The following ITPR2 variants were observed in gnomAD, a reference collection of about 807,000 sequenced individuals.
ITPR2 encodes inositol 1,4,5-trisphosphate-gated calcium channel ITPR2.
ITPR2 carries 207 observed loss-of-function variants against 317.1 expected under a neutral mutation model. That is an observed-to-expected ratio of 0.65 (90% CI 0.58 to 0.73). ITPR2 has a LOEUF of 0.73. Ranked by LOEUF, ITPR2 falls within the 30% of genes least tolerant of loss-of-function variation. The pLI is 0.00. For synonymous variants in ITPR2, 1,156 were observed against 1,149.1 expected (o/e 1.01, Z -0.12); for missense variants, 2,613 against 3,284.0 (o/e 0.80, Z 4.99).
At chr12:26,461,502 G>C (rs536691587) in intron 45 of ITPR2, among the ~76,000 whole-genome samples, 1 of 151,842 alleles carries the variant, frequency 6.6e-6, no homozygotes, top group South Asian at 2.1e-4. Context: ...AACAGAGACA[G>C]TATAACCTGA....
chr12:26,550,163 G>A (rs1039629029), intron 37 of ITPR2, 84 bp downstream of exon 37: 12 of 593,536 alleles, frequency 2.0e-5, no homozygotes, highest in Non-Finnish European at 3.2e-5. Flanking sequence ...AAGTAATCAC[G>A]TAATAGCCTA....
At chr12:26,717,404 C>T (rs946223797) in intron 5 of ITPR2, among the ~76,000 whole-genome samples, 4 of 152,088 alleles carry the variant, frequency 2.6e-5, no homozygotes, top group East Asian at 1.9e-4. Context: ...CTATATCTGG[C>T]GATTGAAATA....
intron 2 of ITPR2, among the ~76,000 whole-genome samples, chr12:26,745,433 G>A (rs1215194664): frequency 2.0e-5 from 3 of 152,190 alleles, no homozygotes; most frequent in South Asian, 2.1e-4. Context: ...CTAACAATCC[G>A]ATTACAGGAT....
chr12:26,497,292 A>T (rs61914030), intron 37 of ITPR2, among the ~76,000 whole-genome samples: 63,663 of 151,020 alleles, frequency 0.42, 14,856 homozygotes, highest in Non-Finnish European at 0.53. Flanking sequence ...TAGCTGGGAC[A>T]ACAGGTGCCC....
chr12:26,752,626 G>A (rs1949445515), intron 2 of ITPR2, among the ~76,000 whole-genome samples: 1 of 152,222 alleles, frequency 6.6e-6, no homozygotes, highest in Non-Finnish European at 1.5e-5. Context: ...AAAAGGGCAA[G>A]CTGCTGCACT....
chr12:26,782,322 AAAAC>A (rs902885741), intron 2 of ITPR2, among the ~76,000 whole-genome samples: 3 of 151,988 alleles, frequency 2.0e-5, no homozygotes, highest in African/African-American at 7.2e-5. Flanking sequence ...GCCTAACCAT[AAAAC>A]AAACAAAGTA....
intron 49 of ITPR2, among the ~76,000 whole-genome samples, chr12:26,423,307 T>G (rs542228052): frequency 1.2e-4 from 18 of 152,272 alleles, no homozygotes; most frequent in Admixed American, 3.3e-4. Context: ...GAATTAGCAG[T>G]AACATAAGAC....
At chr12:26,707,358 G>C (rs1948570368) in intron 9 of ITPR2, among the ~76,000 whole-genome samples, 1 of 152,072 alleles carries the variant, frequency 6.6e-6, no homozygotes, top group African/African-American at 2.4e-5. Context: ...AGATATTAAA[G>C]AGAAAACTGA....
At chr12:26,583,754 C>T (rs1038168713) in intron 32 of ITPR2, among the ~76,000 whole-genome samples, 12 of 152,110 alleles carry the variant, frequency 7.9e-5, no homozygotes, top group African/African-American at 2.9e-4. Flanking sequence ...TAAATCTCTC[C>T]CCAAATCTCT....
At chr12:26,380,230 T>C (rs1939464502) in intron 55 of ITPR2, among the ~76,000 whole-genome samples, 1 of 152,186 alleles carries the variant, frequency 6.6e-6, no homozygotes, top group African/African-American at 2.4e-5. Flanking sequence ...TAAGTACCTA[T>C]TACTTCTGTC....
intron 1 of ITPR2, among the ~76,000 whole-genome samples, chr12:26,818,734 C>G (rs1371107012): frequency 1.3e-5 from 2 of 151,776 alleles, no homozygotes; most frequent in Non-Finnish European, 2.9e-5. Flanking sequence ...TGTAAAGAAC[C>G]AGAACTGAAA....
intron 37 of ITPR2, among the ~76,000 whole-genome samples, chr12:26,504,184 T>C (rs562789837): frequency 6.6e-6 from 1 of 152,316 alleles, no homozygotes; most frequent in South Asian, 2.1e-4. Flanking sequence ...AGAGCTATTT[T>C]CCCTCCTATT....
At chr12:26,779,157 T>C (rs1950032537) in intron 2 of ITPR2, among the ~76,000 whole-genome samples, 1 of 152,164 alleles carries the variant, frequency 6.6e-6, no homozygotes, top group African/African-American at 2.4e-5. Context: ...CAGTGACAGA[T>C]AGGGATGCTG....
intron 34 of ITPR2, among the ~76,000 whole-genome samples, chr12:26,567,542 G>A (rs778600642): frequency 6.6e-6 from 1 of 152,068 alleles, no homozygotes; most frequent in South Asian, 2.1e-4. Flanking sequence ...ACTTTGAACA[G>A]AGCTAAATGA....
intron 6 of ITPR2, 151 bp downstream of exon 6, chr12:26,715,993 T>C (rs1038694424): frequency 5.7e-6 from 4 of 697,686 alleles, no homozygotes; most frequent in Non-Finnish European, 9.8e-6. Context: ...AAAATAGCAA[T>C]AACTAATCAC....
At chr12:26,716,285 C>T (rs1158176903) in intron 5 of ITPR2, 43 bp from the exon 6 acceptor site, 2 of 1,266,042 alleles carry the variant, frequency 1.6e-6, no homozygotes. Context: ...CTGCATGGAT[C>T]TTTGGTGCTA....
intron 1 of ITPR2, among the ~76,000 whole-genome samples, chr12:26,791,251 T>C (rs1170849817): frequency 6.6e-6 from 1 of 152,170 alleles, no homozygotes; most frequent in Non-Finnish European, 1.5e-5. Flanking sequence ...CATTCATTTC[T>C]CCATTGGTTA....
intron 13 of ITPR2, among the ~76,000 whole-genome samples, chr12:26,676,642 G>A (rs571015287): frequency 2.6e-5 from 4 of 151,904 alleles, no homozygotes; most frequent in East Asian, 3.9e-4. Flanking sequence ...AAGGCAGGAG[G>A]AAGACGTAAA....
chr12:26,421,450 T>C (rs1940886993), intron 49 of ITPR2: 2 of 152,140 alleles, frequency 1.3e-5, no homozygotes, highest in Admixed American at 1.3e-4. Context: ...GAAGGGGAAA[T>C]ATGTGCAAGA....
Sources: gnomAD v4.1 joint callset for allele counts (sites outside exome capture counted in the v4.1 genomes callset) on GRCh38, gnomAD v4.1.1 for gene constraint, MANE v1.5 for transcripts, NCBI Gene and HGNC (gene_info 2026-07-23, HGNC 2026-07-21) for gene names.